The following PTPRR variants were observed in gnomAD, a reference collection of about 807,000 sequenced individuals.
PTPRR encodes receptor-type tyrosine-protein phosphatase R.
Under a neutral mutation model 77.2 loss-of-function variants are expected in PTPRR, and 38 were observed. That is an observed-to-expected ratio of 0.49 (90% CI 0.38 to 0.65). The LOEUF (loss-of-function observed/expected upper bound fraction) is 0.65, where lower values mean the gene tolerates loss of function less well. Ranked by LOEUF, PTPRR falls within the 30% of genes least tolerant of loss-of-function variation. PTPRR has a pLI of 0.00. For synonymous variants in PTPRR, 299 were observed against 283.1 expected (o/e 1.06, Z -0.57); for missense variants, 744 against 799.2 (o/e 0.93, Z 0.83).
intron 2 of PTPRR, among the ~76,000 whole-genome samples, chr12:70,794,158 T>C (rs1339905155): frequency 6.6e-6 from 1 of 152,222 alleles, no homozygotes; most frequent in African/African-American, 2.4e-5. Context: ...TCTGGAATCA[T>C]ATGTGAAATT....
chr12:70,640,343 A>ATT (rs113167993), intron 13 of PTPRR, among the ~76,000 whole-genome samples: 1 of 150,174 alleles, frequency 6.7e-6, no homozygotes, highest in African/African-American at 2.4e-5. Flanking sequence ...CAATTTTTAA[A>ATT]TTTTTTTTTT....
intron 1 of PTPRR, among the ~76,000 whole-genome samples, chr12:70,910,506 T>C (rs768896224): frequency 6.6e-6 from 1 of 152,338 alleles, no homozygotes; most frequent in African/African-American, 2.4e-5. Context: ...CCTTCCTGTC[T>C]TAAAAGGAAA....
intron 3 of PTPRR, 34 bp from the exon 4 acceptor site, chr12:70,761,660 A>G (rs755915881): frequency 1.4e-6 from 2 of 1,464,856 alleles, no homozygotes; most frequent in South Asian, 1.4e-5. Flanking sequence ...TTTGTTATAG[A>G]CATTTTAAAC....
intron 10 of PTPRR, among the ~76,000 whole-genome samples, chr12:70,669,449 ATT>A (rs1029073508): frequency 6.1e-5 from 8 of 131,262 alleles, no homozygotes; most frequent in African/African-American, 2.4e-4. Context: ...TATATATGCT[ATT>A]TATATATATA....
At chr12:70,648,919 A>G (rs1886296001) in intron 13 of PTPRR, among the ~76,000 whole-genome samples, 1 of 152,174 alleles carries the variant, frequency 6.6e-6, no homozygotes, top group Admixed American at 6.5e-5. Flanking sequence ...TATGCTCAAA[A>G]GTATTAGTAA....
At chr12:70,854,204 G>C (rs1291551993) in intron 2 of PTPRR, among the ~76,000 whole-genome samples, 1 of 152,134 alleles carries the variant, frequency 6.6e-6, no homozygotes, top group African/African-American at 2.4e-5. Flanking sequence ...TGAATGCTAA[G>C]AGTTTTTTGG....
Position 70,672,594 on chromosome 12 carries a change from T to A in PTPRR, c.1498-9989A>T. 6 of 1,450,878 alleles carry A rather than the reference T, an allele frequency of 4.1e-6. No individual in the cohort carries two copies. The South Asian group carries it at 6.8e-5, about 17-fold the overall frequency. 89.9% of individuals were successfully genotyped at this position (1,450,878 alleles called of 1,614,324 possible). A position where few individuals can be genotyped will look rare whatever the true frequency, so the allele number is the denominator to read the frequency against. On this transcript the variant is annotated intron_variant, in intron 10 of 13. Transcript: ENST00000283228. Reference sequence around the variant, plus strand: ...GCCTTGCCTTGGTGACCAAGGACAGTGTAGCAGATGCACACATCTTAAAGA... The same window carrying A: ...GCCTTGCCTTGGTGACCAAGGACAGAGTAGCAGATGCACACATCTTAAAGA...
intron 8 of PTPRR, among the ~76,000 whole-genome samples, chr12:70,686,165 A>G (rs936579591): frequency 6.6e-6 from 1 of 152,170 alleles, no homozygotes; most frequent in African/African-American, 2.4e-5. Flanking sequence ...TCCCATTCCC[A>G]TATTTTTTTA....
At chr12:70,765,697 T>G (rs1182783502) in intron 2 of PTPRR, among the ~76,000 whole-genome samples, 1 of 152,128 alleles carries the variant, frequency 6.6e-6, no homozygotes, top group Non-Finnish European at 1.5e-5. Flanking sequence ...TGAGAACGGG[T>G]AGACTGCCTC....
intron 10 of PTPRR, among the ~76,000 whole-genome samples, chr12:70,668,705 A>C (rs2136690836): frequency 6.6e-6 from 1 of 152,302 alleles, no homozygotes; most frequent in South Asian, 2.1e-4. Context: ...TTGAGTAGCC[A>C]ATCTTTCTAT....
Position 70,639,121 on chromosome 12 carries a change from C to A in PTPRR, c.*63G>T, listed in dbSNP as rs1474026521. 2.1e-5 allele frequency: 30 copies of A among 1,429,212 alleles called. No individual in the cohort carries two copies. The highest frequency in any genetic ancestry group is 2.8e-5 in the African/African-American group (2 of 71,128). The allele number at this position is 1,429,212 out of a possible 1,614,324, so 88.5% of individuals were successfully genotyped here. On this transcript the variant is annotated 3_prime_UTR_variant, in exon 14 of 14. Coordinates refer to ENST00000283228, the MANE Select transcript of PTPRR (RefSeq NM_002849.4). ...CATTGCAGGAAGCTCCTTCTAGAAG[C>A]CTTGGGTGGGTAATTTGATTAATCA...
intron 6 of PTPRR, among the ~76,000 whole-genome samples, chr12:70,725,826 T>C (rs1279420336): frequency 6.6e-6 from 1 of 152,190 alleles, no homozygotes; most frequent in African/African-American, 2.4e-5. Flanking sequence ...TATCTGGCTC[T>C]CTGAGACATA....
chr12:70,798,054 G>C (rs989975520), intron 2 of PTPRR, among the ~76,000 whole-genome samples: 3 of 152,096 alleles, frequency 2.0e-5, no homozygotes, highest in Admixed American at 2.0e-4. Flanking sequence ...TGAGATGTCT[G>C]AAAGGAATCT....
At chr12:70,830,287 A>G (rs1892189112) in intron 2 of PTPRR, among the ~76,000 whole-genome samples, 1 of 152,206 alleles carries the variant, frequency 6.6e-6, no homozygotes, top group Non-Finnish European at 1.5e-5. Context: ...AGCCTTTACA[A>G]TAAAAGGATA....
At chr12:70,679,621 A>G (rs1019483616) in intron 10 of PTPRR, among the ~76,000 whole-genome samples, 1 of 152,064 alleles carries the variant, frequency 6.6e-6, no homozygotes, top group African/African-American at 2.4e-5. Flanking sequence ...GAATTAACCC[A>G]TGTATCATTA....
At chr12:70,788,576 A>G (rs759863902) in intron 2 of PTPRR, among the ~76,000 whole-genome samples, 14 of 152,218 alleles carry the variant, frequency 9.2e-5, no homozygotes, top group Non-Finnish European at 1.8e-4. Context: ...ACTTTACAAG[A>G]AACTCCTTAT....
chr12:70,917,285 T>A (rs1223136525), intron 1 of PTPRR, among the ~76,000 whole-genome samples: 5 of 152,178 alleles, frequency 3.3e-5, no homozygotes, highest in Admixed American at 6.5e-5. Context: ...AAAAAGTATT[T>A]TGCACCACTA....
intron 4 of PTPRR, among the ~76,000 whole-genome samples, chr12:70,758,000 C>T (rs1295351643): frequency 6.6e-6 from 1 of 152,192 alleles, no homozygotes; most frequent in South Asian, 2.1e-4. Context: ...ACTGGGGTGC[C>T]TGCTCACTAC....
At chr12:70,731,678 T>C (rs1889667688) in intron 6 of PTPRR, among the ~76,000 whole-genome samples, 1 of 152,216 alleles carries the variant, frequency 6.6e-6, no homozygotes. Context: ...TTTCTCCCTT[T>C]CTCTGGGCTT....
Sources: allele counts gnomAD v4.1 joint callset (sites outside exome capture counted in the v4.1 genomes callset), GRCh38; gene constraint gnomAD v4.1.1; transcripts MANE v1.5; gene names NCBI Gene and HGNC (gene_info 2026-07-23, HGNC 2026-07-21).